Variants in SYT16 observed in about 807,000 individuals in gnomAD.
SYT16 encodes the protein synaptotagmin 16, also known as synaptotagmin-16.
A neutral mutation model predicts 61.4 loss-of-function variants in SYT16; 42 were observed. The observed-to-expected ratio is 0.68, with a 90% CI of 0.53 to 0.89. SYT16 has a LOEUF of 0.89. Among genes scored for constraint, SYT16 ranks in the 40% least tolerant of loss-of-function variants. The pLI, the probability that SYT16 is intolerant of heterozygous loss-of-function variation, is 0.00. For synonymous variants in SYT16, 314 were observed against 302.3 expected (o/e 1.04, Z -0.40); for missense variants, 804 against 807.3 (o/e 1.00, Z 0.05).
intron 2 of SYT16, among the ~76,000 whole-genome samples, chr14:61,991,580 C>T (rs1278518867): frequency 1.3e-5 from 2 of 152,126 alleles, no homozygotes; most frequent in South Asian, 2.1e-4. Flanking sequence ...AGATCTCTGG[C>T]GTTGCTAACT....
At chr14:61,832,108 C>T in intron 1 of SYT16, 2 of 730,178 alleles carry the variant, frequency 2.7e-6, no homozygotes, top group Non-Finnish European at 5.2e-6. Context: ...GCAAAGCTCT[C>T]CTTGAACTGA....
At chr14:61,815,772 A>G (rs561553573) in intron 1 of SYT16, among the ~76,000 whole-genome samples, 13 of 152,212 alleles carry the variant, frequency 8.5e-5, no homozygotes, top group Admixed American at 2.0e-4. Flanking sequence ...GTACTGAACT[A>G]TTTCATGATT....
At chr14:62,042,586 C>A (rs935300938) in intron 3 of SYT16, among the ~76,000 whole-genome samples, 5 of 152,194 alleles carry the variant, frequency 3.3e-5, no homozygotes, top group Admixed American at 6.5e-5. Context: ...TTGTGGCTCT[C>A]AGTGAGCCCT....
intron 2 of SYT16, among the ~76,000 whole-genome samples, chr14:61,978,331 C>T (rs571224194): frequency 6.6e-6 from 1 of 152,220 alleles, no homozygotes; most frequent in East Asian, 1.9e-4. Flanking sequence ...TCTCAATTTT[C>T]CTCCAGCACT....
intron 2 of SYT16, among the ~76,000 whole-genome samples, chr14:61,990,601 T>A (rs1488724837): frequency 2.6e-5 from 4 of 152,180 alleles, no homozygotes; most frequent in Admixed American, 2.0e-4. Context: ...TAGTTGATAA[T>A]CCTTTGAAAA....
intron 1 of SYT16, among the ~76,000 whole-genome samples, chr14:61,931,229 C>T (rs752042378): frequency 1.3e-5 from 2 of 152,088 alleles, no homozygotes; most frequent in Non-Finnish European, 2.9e-5. Context: ...TAAATGAAAA[C>T]AGCCCATTTT....
At chr14:62,072,074 G>A (rs935857822) in intron 4 of SYT16, among the ~76,000 whole-genome samples, 2 of 152,206 alleles carry the variant, frequency 1.3e-5, no homozygotes, top group Non-Finnish European at 2.9e-5. Flanking sequence ...TTGGAGGCCT[G>A]TATGCAAGGT....
chr14:61,869,216 T>C (rs1395038231), intron 1 of SYT16, among the ~76,000 whole-genome samples: 1 of 152,114 alleles, frequency 6.6e-6, no homozygotes, highest in African/African-American at 2.4e-5. Flanking sequence ...TATTGTCCTT[T>C]TATCCAATTT....
chr14:61,895,361 T>C (rs2048290321), intron 1 of SYT16, among the ~76,000 whole-genome samples: 1 of 152,232 alleles, frequency 6.6e-6, no homozygotes, highest in South Asian at 2.1e-4. Flanking sequence ...CACACCTTGC[T>C]GATTTTGTGT....
At chr14:61,889,295 G>A (rs1267276489) in intron 1 of SYT16, among the ~76,000 whole-genome samples, 1 of 152,198 alleles carries the variant, frequency 6.6e-6, no homozygotes, top group African/African-American at 2.4e-5. Flanking sequence ...TATTGCTGAA[G>A]GGAGGCCAGG....
chr14:61,912,847 A>G (rs1432501439), intron 1 of SYT16, among the ~76,000 whole-genome samples: 1 of 152,226 alleles, frequency 6.6e-6, no homozygotes, highest in Non-Finnish European at 1.5e-5. Flanking sequence ...ATAGGAACAG[A>G]CAGAAACAGA....
At chr14:61,986,904 G>T (rs2052340015) in intron 2 of SYT16, among the ~76,000 whole-genome samples, 1 of 152,140 alleles carries the variant, frequency 6.6e-6, no homozygotes, top group Non-Finnish European at 1.5e-5. Context: ...ATGGTAGTCA[G>T]TTACTCTGCT....
At chr14:61,827,319 G>T (rs2045803484) in intron 1 of SYT16, among the ~76,000 whole-genome samples, 1 of 152,182 alleles carries the variant, frequency 6.6e-6, no homozygotes, top group South Asian at 2.1e-4. Context: ...CAGCTAGCCT[G>T]TTGTGGCATT....
chr14:61,871,635 A>G (rs1227896644), intron 1 of SYT16, among the ~76,000 whole-genome samples: 2 of 152,174 alleles, frequency 1.3e-5, no homozygotes, highest in African/African-American at 4.8e-5. Flanking sequence ...ATTATTTTAT[A>G]TATTTTGTCC....
intron 3 of SYT16, among the ~76,000 whole-genome samples, chr14:62,061,436 C>T (rs553464731): frequency 2.6e-4 from 40 of 152,248 alleles, no homozygotes; most frequent in African/African-American, 8.7e-4. Context: ...ATAAATATCT[C>T]ACTTGAAAGT....
At chr14:61,865,284 C>T in intron 1 of SYT16, 1 of 767,632 alleles carries the variant, frequency 1.3e-6, no homozygotes, top group Non-Finnish European at 2.3e-6. Context: ...TTGCCTCATG[C>T]CCTACACATC....
At chr14:62,046,081 G>C (rs1031522072) in intron 3 of SYT16, among the ~76,000 whole-genome samples, 2 of 152,010 alleles carry the variant, frequency 1.3e-5, no homozygotes, top group African/African-American at 4.8e-5. Context: ...GTGTAAAAGT[G>C]TTCCTATTTC....
At chr14:61,946,216 A>T (rs1032431799) in intron 1 of SYT16, among the ~76,000 whole-genome samples, 1 of 152,244 alleles carries the variant, frequency 6.6e-6, no homozygotes, top group Admixed American at 6.5e-5. Flanking sequence ...AATAAAAAAA[A>T]GGATGAAATG....
chr14:62,011,403 C>G (rs1195831231), intron 3 of SYT16, among the ~76,000 whole-genome samples: 1 of 152,156 alleles, frequency 6.6e-6, no homozygotes, highest in Non-Finnish European at 1.5e-5. Flanking sequence ...AAAAACACCA[C>G]CACTTTCTGG....
Sources: gnomAD v4.1 joint callset for allele counts (sites outside exome capture counted in the v4.1 genomes callset) on GRCh38, gnomAD v4.1.1 for gene constraint, MANE v1.5 for transcripts, NCBI Gene and HGNC (gene_info 2026-07-23, HGNC 2026-07-21) for gene names.